SND1: variants seen among roughly 807,000 people sequenced by gnomAD.
SND1 encodes the protein staphylococcal nuclease domain-containing protein 1.
SND1 carries 38 observed loss-of-function variants against 121.7 expected under a neutral mutation model. The ratio of observed to expected loss-of-function variants is 0.31; its 90% CI spans 0.24 to 0.41. The LOEUF is 0.41. SND1 is among the 10% of genes least tolerant of loss of function. The pLI, the probability that SND1 is intolerant of heterozygous loss-of-function variation, is 1.00. For synonymous variants in SND1, 401 were observed against 447.4 expected, an observed-to-expected ratio of 0.90 and a Z score of 1.31; for missense variants, 868 against 1,184.6, an observed-to-expected ratio of 0.73 and a Z score of 3.92.
At chr7:127,828,951 A>G (rs190050505) in intron 11 of SND1, among the ~76,000 whole-genome samples, 69 of 152,192 alleles carry the variant, frequency 4.5e-4, no homozygotes, top group African/African-American at 1.6e-3. Flanking sequence ...TTTCCACCTG[A>G]CCTCTTAGAG....
At chr7:127,930,265 T>C (rs933868710) in intron 15 of SND1, among the ~76,000 whole-genome samples, 1 of 152,178 alleles carries the variant, frequency 6.6e-6, no homozygotes, top group Admixed American at 6.5e-5. Context: ...TCAGCACTTC[T>C]TACATTGAAT....
intron 18 of SND1, among the ~76,000 whole-genome samples, chr7:128,082,934 G>A (rs1480179968): frequency 6.6e-6 from 1 of 152,204 alleles, no homozygotes; most frequent in East Asian, 1.9e-4. Flanking sequence ...AGAGAAAAGA[G>A]AAAACCATGT....
intron 16 of SND1, among the ~76,000 whole-genome samples, chr7:128,046,630 C>T (rs1282893377): frequency 6.6e-6 from 1 of 151,934 alleles, no homozygotes; most frequent in Non-Finnish European, 1.5e-5. Context: ...TCCCAAAGTG[C>T]TGGGATTACA....
intron 7 of SND1, among the ~76,000 whole-genome samples, chr7:127,704,174 C>A (rs757630531): frequency 4.6e-5 from 7 of 152,158 alleles, no homozygotes; most frequent in Non-Finnish European, 1.0e-4. Flanking sequence ...TTCTTTTTAA[C>A]ACCTGAAATT....
chr7:127,732,423 C>T (rs1796696081), intron 10 of SND1, among the ~76,000 whole-genome samples: 2 of 152,170 alleles, frequency 1.3e-5, no homozygotes, highest in African/African-American at 2.4e-5. Flanking sequence ...GCAGACCTTA[C>T]AAAGGAGTAT....
At chr7:127,784,868 C>T (rs968467836) in intron 10 of SND1, among the ~76,000 whole-genome samples, 4 of 152,066 alleles carry the variant, frequency 2.6e-5, no homozygotes, top group Admixed American at 6.6e-5. Context: ...ATGAAGAAAC[C>T]CCATGATCAT....
chr7:127,849,999 T>G (rs1799135716), intron 12 of SND1, among the ~76,000 whole-genome samples: 1 of 152,234 alleles, frequency 6.6e-6, no homozygotes, highest in Non-Finnish European at 1.5e-5. Context: ...TGGATAGCGC[T>G]TACCTTTAAT....
chr7:127,918,911 G>C (rs1258140369), intron 14 of SND1, among the ~76,000 whole-genome samples: 1 of 152,052 alleles, frequency 6.6e-6, no homozygotes, highest in Non-Finnish European at 1.5e-5. Flanking sequence ...GGATGCATTT[G>C]TTGTTCTTCA....
At chr7:128,053,810 C>T (rs757338076) in intron 16 of SND1, among the ~76,000 whole-genome samples, 9 of 152,162 alleles carry the variant, frequency 5.9e-5, no homozygotes, top group African/African-American at 2.2e-4. Context: ...CCTGGAGATA[C>T]ACTAGCCAGA....
intron 10 of SND1, among the ~76,000 whole-genome samples, chr7:127,800,147 A>G (rs1798101364): frequency 6.6e-6 from 1 of 152,210 alleles, no homozygotes; most frequent in South Asian, 2.1e-4. Flanking sequence ...TAAGTCTATA[A>G]TTGAAATGGA....
chr7:128,046,483 C>G (rs1792950683), intron 16 of SND1, among the ~76,000 whole-genome samples: 1 of 151,654 alleles, frequency 6.6e-6, no homozygotes, highest in Non-Finnish European at 1.5e-5. Flanking sequence ...CCTCCCTCAG[C>G]CTCCTAAGTA....
At chr7:127,751,302 G>A (rs1307749225) in intron 10 of SND1, among the ~76,000 whole-genome samples, 1 of 152,120 alleles carries the variant, frequency 6.6e-6, no homozygotes, top group African/African-American at 2.4e-5. Context: ...TGCAGATTTT[G>A]GCTTGTCTCC....
chr7:127,870,712 T>C (rs953547228), intron 12 of SND1, among the ~76,000 whole-genome samples: 4 of 152,286 alleles, frequency 2.6e-5, no homozygotes, highest in Admixed American at 6.5e-5. Flanking sequence ...GGGTGAATCA[T>C]TGATGAAATA....
chr7:127,762,835 A>G (rs1435750518), intron 10 of SND1, among the ~76,000 whole-genome samples: 1 of 152,246 alleles, frequency 6.6e-6, no homozygotes, highest in Non-Finnish European at 1.5e-5. Flanking sequence ...TTTTTAAGGA[A>G]TAATTGTAAA....
chr7:127,857,586 C>T (rs1410291895), intron 12 of SND1, among the ~76,000 whole-genome samples: 1 of 151,492 alleles, frequency 6.6e-6, no homozygotes, highest in East Asian at 1.9e-4. Context: ...GCAGGGAGGC[C>T]ACGGGACCCC....
At chr7:127,887,716 A>G (rs914755661) in intron 12 of SND1, among the ~76,000 whole-genome samples, 186 bp from the exon 13 acceptor site, 3 of 151,758 alleles carry the variant, frequency 2.0e-5, no homozygotes, top group African/African-American at 7.3e-5. Flanking sequence ...ATGCTGAGCT[A>G]GGGAACTTTG....
At chr7:128,074,144 A>G (rs1456938252) in intron 16 of SND1, among the ~76,000 whole-genome samples, 1 of 152,136 alleles carries the variant, frequency 6.6e-6, no homozygotes, top group East Asian at 1.9e-4. Flanking sequence ...GTCTTCTAGC[A>G]CAGAGCTGGG....
intron 15 of SND1, among the ~76,000 whole-genome samples, chr7:127,964,572 C>T (rs1024205757): frequency 2.6e-5 from 4 of 151,956 alleles, no homozygotes; most frequent in East Asian, 1.9e-4. Flanking sequence ...TGTAGGTAAG[C>T]GGCGTTATTT....
chr7:127,857,850 G>C, intron 12 of SND1: 1 of 1,176,806 alleles, frequency 8.5e-7, no homozygotes, highest in Non-Finnish European at 1.3e-6. Context: ...AGCAGTCTCA[G>C]GTGTAGAGGT....
Sources: gnomAD v4.1 joint callset for allele counts (sites outside exome capture counted in the v4.1 genomes callset) on GRCh38, gnomAD v4.1.1 for gene constraint, MANE v1.5 for transcripts, NCBI Gene and HGNC (gene_info 2026-07-23, HGNC 2026-07-21) for gene names.